Variants in ABCG8 observed in about 807,000 individuals in gnomAD.
ABCG8 encodes the protein ATP binding cassette subfamily G member 8.
In ABCG8, 81 loss-of-function variants were observed where a neutral mutation model predicts 71.3. The ratio of observed to expected loss-of-function variants is 1.14; its 90% confidence interval spans 0.95 to 1.37. The LOEUF (loss-of-function observed/expected upper bound fraction) is 1.37. Ranked by LOEUF, ABCG8 falls within the 40% of genes most tolerant of loss-of-function variation. The probability of loss-of-function intolerance (pLI) is 0.00; values close to 1 mark genes in which losing one functional copy is unlikely to be tolerated. For missense variants in ABCG8, 1,119 were observed against 866.2 expected, an observed-to-expected ratio of 1.29 and a Z score of -3.66; for synonymous variants, 451 against 354.7, an observed-to-expected ratio of 1.27 and a Z score of -3.05.
chr2:43,864,818 A>G (rs1361893382), intron 6 of ABCG8, among the ~76,000 whole-genome samples: 1 of 140,760 alleles, frequency 7.1e-6, no homozygotes, highest in African/African-American at 2.7e-5. Context: ...CTCACTATCT[A>G]TCTAGATAGA....
intron 1 of ABCG8, among the ~76,000 whole-genome samples, chr2:43,843,914 G>A (rs552048048): frequency 6.6e-6 from 1 of 152,260 alleles, no homozygotes; most frequent in African/African-American, 2.4e-5. Context: ...TCACTTTGTT[G>A]CATGAACTCT....
chr2:43,839,921 G>C (rs1362136994), intron 1 of ABCG8, among the ~76,000 whole-genome samples: 1 of 152,206 alleles, frequency 6.6e-6, no homozygotes, highest in African/African-American at 2.4e-5. Context: ...CTGCGAGAAA[G>C]CTGGAAGGAG....
intron 1 of ABCG8, among the ~76,000 whole-genome samples, chr2:43,840,793 C>T (rs548206337): frequency 1.3e-5 from 2 of 152,282 alleles, no homozygotes; most frequent in East Asian, 3.9e-4. Context: ...AGCTCCATCC[C>T]ACTCCATGGG....
intron 1 of ABCG8, among the ~76,000 whole-genome samples, chr2:43,841,087 C>G (rs577023264): frequency 3.3e-5 from 5 of 152,308 alleles, no homozygotes; most frequent in Non-Finnish European, 7.4e-5. Context: ...TGTGTGTGAC[C>G]TAGGCTGAAT....
intron 1 of ABCG8, 128 bp downstream of exon 1, chr2:43,839,244 G>T: frequency 9.6e-7 from 1 of 1,041,936 alleles, no homozygotes; most frequent in East Asian, 2.7e-5. Context: ...GGACATGGCC[G>T]CAGGACTGTT....
intron 6 of ABCG8, among the ~76,000 whole-genome samples, chr2:43,871,072 C>T (rs1246477228): frequency 3.3e-5 from 5 of 152,006 alleles, no homozygotes; most frequent in Non-Finnish European, 7.4e-5. Flanking sequence ...AGATAGAACT[C>T]TCACTATCTG....
chr2:43,851,620 G>A lies in ABCG8; in HGVS notation c.359G>A (p.Gly120Asp). Residue 120 changes from glycine to aspartate, a missense_variant, in exon 4 of 13, where the codon GGC becomes GAC. Gly to Asp is a moderately conservative substitution (Grantham distance 94). Transcript: ENST00000272286. ...GCCTCCTTGCTAGATGTGATCACTG[G>A]CCGAGGTCACGGCGGCAAGATCAAG... is the stretch of plus-strand genomic sequence containing the variant. Reference protein sequence around the residue: ...GRASLLDVITGRGHGGKIKSG... With the variant: ...GRASLLDVITDRGHGGKIKSG... The A allele has an allele frequency of 6.2e-7, 1 of 1,614,222 alleles. No individual in the cohort carries two copies.
chr2:43,882,113 A>C lies in ABCG8; in HGVS notation c.*4200A>C, dbSNP rs1254575775. On this transcript the variant is annotated 3_prime_UTR_variant, in exon 13 of 13. Coordinates refer to ENST00000272286, the MANE Select transcript of ABCG8 (RefSeq NM_022437.3). ...TATTGGTGGGGAATTTTAATTAAAC[A>C]GAAAATAATCACCAATATTGGCTCA... 1 of 152,224 alleles carries C rather than the reference A, an allele frequency of 6.6e-6. No individual in the cohort carries two copies. The highest frequency in any genetic ancestry group is 1.5e-5 in the Non-Finnish European group (1 of 68,032). The allele number at this position is 152,224 out of a possible 1,614,324, so 9.4% of individuals were successfully genotyped here.
chr2:43,846,462 C>T, intron 3 of ABCG8, 151 bp downstream of exon 3: 2 of 1,170,114 alleles, frequency 1.7e-6, no homozygotes. Flanking sequence ...GTCAGACAGA[C>T]CTGGGCTCAA....
chr2:43,863,087 A>G (rs538201829), intron 6 of ABCG8, among the ~76,000 whole-genome samples: 25 of 131,366 alleles, frequency 1.9e-4, no homozygotes, highest in Non-Finnish European at 3.4e-4. Context: ...TTCTCACCAT[A>G]TGGATAGAAC....
intron 3 of ABCG8, among the ~76,000 whole-genome samples, chr2:43,849,268 A>G (rs1188870296): frequency 6.8e-6 from 1 of 146,420 alleles, no homozygotes; most frequent in Non-Finnish European, 1.5e-5. Flanking sequence ...TTATAAAGAA[A>G]AGAGGTTTAA....
At chr2:43,867,725 A>ACTG (rs1558841371) in intron 6 of ABCG8, among the ~76,000 whole-genome samples, 1 of 151,818 alleles carries the variant, frequency 6.6e-6, no homozygotes, top group Non-Finnish European at 1.5e-5. Flanking sequence ...CTCCGTATCA[A>ACTG]TCTGGATAGA....
Position 43,852,810 on chromosome 2 carries a change from G to C in ABCG8, c.906G>C (p.Gln302His), listed in dbSNP as rs754119130. The C allele has an allele frequency of 3.7e-6, 6 of 1,614,118 alleles. No individual in the cohort carries two copies. Among genetic ancestry groups the C allele is most frequent in the Non-Finnish European group, 3.4e-6 (4 of 1,180,024 alleles). Residue 302 changes from glutamine to histidine, a missense_variant, in exon 6 of 13, where the codon CAG (glutamine) becomes CAC (histidine). Physicochemically the swap from Gln to His is conservative, Grantham distance 24 (BLOSUM62 0). Transcript: ENST00000272286. ...IYLGAAQHMVQYFTAIGYPCP... is the reference protein window; with the variant it reads ...IYLGAAQHMVHYFTAIGYPCP... ...TAGGGGCGGCCCAGCACATGGTCCAGTATTTCACAGCCATCGGCTACCCCT... is the reference window on the plus strand; with the variant it reads ...TAGGGGCGGCCCAGCACATGGTCCACTATTTCACAGCCATCGGCTACCCCT...
chr2:43,870,490 T>C (rs573335716), intron 6 of ABCG8, among the ~76,000 whole-genome samples: 1 of 152,306 alleles, frequency 6.6e-6, no homozygotes, highest in African/African-American at 2.4e-5. Context: ...ACTCTCTGGA[T>C]AGAACTCTCA....
chr2:43,855,267 T>C (rs1669063192), intron 6 of ABCG8, among the ~76,000 whole-genome samples: 1 of 152,154 alleles, frequency 6.6e-6, no homozygotes, highest in Non-Finnish European at 1.5e-5. Context: ...CATAGAATTC[T>C]CACTCTCTGT....
chr2:43,860,924 C>G, intron 6 of ABCG8, among the ~76,000 whole-genome samples: 1 of 150,784 alleles, frequency 6.6e-6, no homozygotes, highest in South Asian at 2.1e-4. Flanking sequence ...AATTCTCACT[C>G]TCTGGATAGA....
intron 6 of ABCG8, 126 bp from the exon 7 acceptor site, chr2:43,871,850 G>A: frequency 1.5e-6 from 2 of 1,358,990 alleles, no homozygotes; most frequent in Non-Finnish European, 1.0e-6. Flanking sequence ...GGCTGAGGGT[G>A]GGGAGAATGT....
At chr2:43,852,327 G>T (rs759493344) in intron 4 of ABCG8, 27 bp from the exon 5 acceptor site, 2 of 1,611,942 alleles carry the variant, frequency 1.2e-6, no homozygotes, top group South Asian at 2.2e-5. Flanking sequence ...CCCCTGAGGT[G>T]GCCTCAAAGC....
chr2:43,873,681 C>T, intron 8 of ABCG8, 106 bp from the exon 9 acceptor site: 1 of 1,146,246 alleles, frequency 8.7e-7, no homozygotes, highest in East Asian at 2.3e-5. Flanking sequence ...TTACCATCCC[C>T]ATTTTGCATA....
Sources: allele counts gnomAD v4.1 joint callset (sites outside exome capture counted in the v4.1 genomes callset), GRCh38; gene constraint gnomAD v4.1.1; transcripts MANE v1.5; gene names NCBI Gene and HGNC (gene_info 2026-07-23, HGNC 2026-07-21).